The following DLC1 variants were observed in gnomAD, a reference collection of about 807,000 sequenced individuals.
DLC1 encodes rho GTPase-activating protein 7.
DLC1 carries 54 observed loss-of-function variants against 140.3 expected under a neutral mutation model. That is an observed-to-expected ratio of 0.38 (90% CI 0.31 to 0.48). The LOEUF is 0.48. Ranked by LOEUF, DLC1 falls within the 20% of genes least tolerant of loss-of-function variation. The pLI is 0.96. For synonymous variants in DLC1, 986 were observed against 728.1 expected (o/e 1.35, Z -5.70); for missense variants, 2,536 against 1,907.0 (o/e 1.33, Z -6.14).
chr8:13,520,138 A>T (rs937066896), intron 1 of DLC1, among the ~76,000 whole-genome samples: 4 of 152,214 alleles, frequency 2.6e-5, no homozygotes, highest in Non-Finnish European at 5.9e-5. Flanking sequence ...TACCCAAAGG[A>T]TTATAAATCA....
chr8:13,488,296 T>A (rs1483059304), intron 2 of DLC1, among the ~76,000 whole-genome samples: 1 of 152,252 alleles, frequency 6.6e-6, no homozygotes, highest in African/African-American at 2.4e-5. Flanking sequence ...CTCCTGCTAA[T>A]GCCTTAGTCA....
At chr8:13,141,036 C>T (rs1822942979) in intron 5 of DLC1, among the ~76,000 whole-genome samples, 2 of 151,814 alleles carry the variant, frequency 1.3e-5, no homozygotes, top group Non-Finnish European at 1.5e-5. Flanking sequence ...GTGTGGATCA[C>T]GTGGGGTCGG....
intron 7 of DLC1, among the ~76,000 whole-genome samples, chr8:13,108,662 A>G (rs1355901290): frequency 6.6e-6 from 1 of 152,176 alleles, no homozygotes; most frequent in African/African-American, 2.4e-5. Context: ...TTCCTAAGCT[A>G]TTGCTGCTGT....
At chr8:13,288,390 T>G (rs1831616629) in intron 5 of DLC1, among the ~76,000 whole-genome samples, 1 of 152,172 alleles carries the variant, frequency 6.6e-6, no homozygotes, top group Non-Finnish European at 1.5e-5. Flanking sequence ...ACCCATACCA[T>G]TTTTCCACTC....
intron 5 of DLC1, among the ~76,000 whole-genome samples, chr8:13,154,857 G>T (rs576840833): frequency 2.0e-5 from 3 of 152,142 alleles, no homozygotes; most frequent in African/African-American, 4.8e-5. Flanking sequence ...AGAAATAAGC[G>T]CTATTAAAAT....
intron 5 of DLC1, among the ~76,000 whole-genome samples, chr8:13,170,729 CAAAAAA>C (rs1179460110): frequency 1.6e-5 from 1 of 63,148 alleles, no homozygotes; most frequent in Non-Finnish European, 3.0e-5. Context: ...GACTCCATCT[CAAAAAA>C]AAAAAAAAAA....
At chr8:13,373,046 C>G (rs954824992) in intron 4 of DLC1, among the ~76,000 whole-genome samples, 4 of 152,072 alleles carry the variant, frequency 2.6e-5, no homozygotes, top group Non-Finnish European at 5.9e-5. Flanking sequence ...GACAGGGTCT[C>G]ATTCTGTTGC....
At chr8:13,238,528 G>GAA (rs199732798) in intron 5 of DLC1, among the ~76,000 whole-genome samples, 2 of 147,746 alleles carry the variant, frequency 1.4e-5, no homozygotes, top group African/African-American at 5.0e-5. Flanking sequence ...AAGAAAGAAA[G>GAA]AAAAAAAAAA....
At chr8:13,370,548 T>A (rs1284974625) in intron 4 of DLC1, among the ~76,000 whole-genome samples, 1 of 152,166 alleles carries the variant, frequency 6.6e-6, no homozygotes, top group African/African-American at 2.4e-5. Context: ...ATCCTTGATG[T>A]TCCTGTGAGT....
chr8:13,465,603 T>G (rs1366653893), intron 2 of DLC1, among the ~76,000 whole-genome samples: 1 of 152,186 alleles, frequency 6.6e-6, no homozygotes, highest in Non-Finnish European at 1.5e-5. Flanking sequence ...TTTTATTGTT[T>G]TAAAGGACAT....
intron 5 of DLC1, among the ~76,000 whole-genome samples, chr8:13,222,430 A>T (rs1205411739): frequency 6.6e-6 from 1 of 152,152 alleles, no homozygotes; most frequent in Non-Finnish European, 1.5e-5. Flanking sequence ...TGTTTTATGT[A>T]GGTTAGACAC....
chr8:13,101,039 G>T, intron 8 of DLC1: 3 of 384,770 alleles, frequency 7.8e-6, no homozygotes, highest in Non-Finnish European at 4.5e-6. Flanking sequence ...ACAGGGATAA[G>T]CTACTGTGCC....
chr8:13,132,895 C>T (rs374833157), intron 5 of DLC1: 45 of 1,557,204 alleles, frequency 2.9e-5, no homozygotes, highest in Non-Finnish European at 3.9e-5. Context: ...GTCCCCTCCG[C>T]AGCCCGCTCC....
At chr8:13,365,461 T>G (rs1835435648) in intron 4 of DLC1, among the ~76,000 whole-genome samples, 1 of 152,176 alleles carries the variant, frequency 6.6e-6, no homozygotes, top group African/African-American at 2.4e-5. Context: ...CAGGTGACCC[T>G]GTGCCTTTAT....
intron 5 of DLC1, among the ~76,000 whole-genome samples, chr8:13,200,448 A>T (rs1827317192): frequency 6.6e-6 from 1 of 152,176 alleles, no homozygotes; most frequent in Admixed American, 6.5e-5. Context: ...CCCAGATAAA[A>T]GTGGCAGAGC....
intron 7 of DLC1, among the ~76,000 whole-genome samples, chr8:13,106,890 G>A (rs925867947): frequency 6.6e-6 from 1 of 152,204 alleles, no homozygotes; most frequent in African/African-American, 2.4e-5. Flanking sequence ...GAAGCTGTAG[G>A]AAGGCAAGCA....
rs145584149 is a variant in DLC1 at position 13,601,085 on chromosome 8, C to T, written c.-126+3452G>A. ...ATCTCGTAAAGTCATATAAAGCCCT[C>T]CTAAAGACACACCTTCGTCCCCATT... On this transcript the variant is annotated intron_variant, in intron 1 of 1. Transcript: ENST00000631382. Among the ~76,000 whole-genome samples, 140 of 151,780 alleles carry T rather than the reference C, an allele frequency of 9.2e-4. 1 individual carries two copies. Among genetic ancestry groups the T allele is most frequent in the African/African-American group, 3.1e-3 (129 of 41,484 alleles).
intron 5 of DLC1, among the ~76,000 whole-genome samples, chr8:13,180,719 A>G (rs1273660659): frequency 6.6e-6 from 1 of 152,220 alleles, no homozygotes; most frequent in Admixed American, 6.5e-5. Flanking sequence ...ACATGCCTAT[A>G]TAATCCTATA....
chr8:13,099,766 G>A lies in DLC1; in HGVS notation c.2571C>T (p.Ser857=), dbSNP rs745723621. Residue 857 remains serine (S), a synonymous_variant, in exon 9 of 18, where the codon AGC becomes AGT. Coordinates refer to ENST00000276297, the MANE Select transcript of DLC1 (RefSeq NM_182643.3). ...GTCTCTTCAGTTCCTTGGGGCTGTC[G>A]CTACTGTTTTCCCTCCTGAGGCTGA... ...GHISLRRENS[S]DSPKELKRRN... is the part of the protein sequence containing the mutation. The A allele has an allele frequency of 9.9e-6, 16 of 1,613,990 alleles. No homozygotes were observed. Among genetic ancestry groups the A allele is most frequent in the Non-Finnish European group, 1.2e-5 (14 of 1,180,044 alleles).
Sources: allele counts gnomAD v4.1 joint callset (sites outside exome capture counted in the v4.1 genomes callset), GRCh38; gene constraint gnomAD v4.1.1; transcripts MANE v1.5; gene names NCBI Gene and HGNC (gene_info 2026-07-23, HGNC 2026-07-21).